MTHFS: variants seen among roughly 807,000 people sequenced by gnomAD.
The protein encoded by MTHFS is methenyltetrahydrofolate synthetase.
A neutral mutation model predicts 12.7 loss-of-function variants in MTHFS; 7 were observed. That is an observed-to-expected ratio of 0.55 (90% CI 0.31 to 1.03). The LOEUF is 1.03. Ranked by LOEUF, MTHFS falls within the 50% of genes least tolerant of loss-of-function variation. MTHFS has a pLI of 0.05. For synonymous variants in MTHFS, 100 were observed against 97.1 expected (o/e 1.03, Z -0.18); for missense variants, 252 against 258.1 (o/e 0.98, Z 0.16).
chr15:79,856,768 T>C (rs929610537), intron 2 of MTHFS, among the ~76,000 whole-genome samples: 1 of 151,860 alleles, frequency 6.6e-6, no homozygotes, highest in Non-Finnish European at 1.5e-5. Flanking sequence ...TGTGTTTCCT[T>C]ACCACAACAA....
intron 2 of MTHFS, among the ~76,000 whole-genome samples, chr15:79,886,814 C>T (rs1287276316): frequency 6.6e-6 from 1 of 152,184 alleles, no homozygotes; most frequent in East Asian, 1.9e-4. Context: ...AAAATATCTG[C>T]TGAAAATTAC....
chr15:79,864,547 C>CAAAAAAA lies in MTHFS; in HGVS notation c.380-19112_380-19106dup, dbSNP rs58698908. 3.4e-3 allele frequency among the ~76,000 whole-genome samples: 222 copies of CAAAAAAA among 64,516 alleles called. 8 individuals are homozygous for CAAAAAAA. Among genetic ancestry groups the CAAAAAAA allele is most frequent in the African/African-American group, 4.1e-3 (55 of 13,358 alleles). 42.3% of individuals were successfully genotyped at this position (64,516 alleles called of 152,430 possible). On this transcript the variant is annotated intron_variant, in intron 2 of 2. Coordinates refer to ENST00000258874, the MANE Select transcript of MTHFS (RefSeq NM_006441.4). ...GCAACAAAGTGAGACTCCATCTCAA[C>CAAAAAAA]AAAAAAAAAAAAAAAAAAAAAAAAA... is the stretch of plus-strand genomic sequence containing the variant.
chr15:79,857,620 T>G (rs2033833667), intron 2 of MTHFS, among the ~76,000 whole-genome samples: 2 of 152,180 alleles, frequency 1.3e-5, no homozygotes, highest in South Asian at 4.1e-4. Context: ...TACATGGATT[T>G]TATATAATGT....
At chr15:79,873,879 A>ATT (rs1398180403) in intron 2 of MTHFS, among the ~76,000 whole-genome samples, 1 of 152,226 alleles carries the variant, frequency 6.6e-6, no homozygotes, top group African/African-American at 2.4e-5. Context: ...CATAATGGGA[A>ATT]TGTAATGTGG....
chr15:79,854,533 A>AACCAAAACCACCTAGCAAAAG (rs1368702354), intron 2 of MTHFS, among the ~76,000 whole-genome samples: 3 of 152,232 alleles, frequency 2.0e-5, no homozygotes, highest in African/African-American at 7.2e-5. Context: ...AGAGGTGGCC[A>AACCAAAACCACCTAGCAAAAG]ACCAAAATCA....
At chr15:79,876,686 A>G (rs1313854961) in intron 2 of MTHFS, 1 of 151,952 alleles carries the variant, frequency 6.6e-6, no homozygotes, top group African/African-American at 2.4e-5. Flanking sequence ...CCAATGACTC[A>G]ACAAATAAAG....
intron 1 of MTHFS, among the ~76,000 whole-genome samples, chr15:79,891,001 C>T (rs2034463759): frequency 6.6e-6 from 1 of 152,174 alleles, no homozygotes; most frequent in Admixed American, 6.5e-5. Flanking sequence ...TGAGACTGTG[C>T]ATGCATATTT....
chr15:79,846,703 G>A (rs2033621504), intron 2 of MTHFS, among the ~76,000 whole-genome samples: 1 of 152,118 alleles, frequency 6.6e-6, no homozygotes, highest in Non-Finnish European at 1.5e-5. Context: ...AAAGGTCCTG[G>A]TCACTGACCT....
intron 2 of MTHFS, among the ~76,000 whole-genome samples, chr15:79,866,050 T>TTC (rs1396935709): frequency 6.6e-6 from 1 of 151,868 alleles, no homozygotes; most frequent in Non-Finnish European, 1.5e-5. Flanking sequence ...TTATAAGTTT[T>TTC]TTTTTTTTTT....
At chr15:79,854,831 T>A (rs1327335324) in intron 2 of MTHFS, among the ~76,000 whole-genome samples, 2 of 152,218 alleles carry the variant, frequency 1.3e-5, no homozygotes, top group Non-Finnish European at 2.9e-5. Flanking sequence ...TGATTTACAT[T>A]ATTTTCTTAA....
In MTHFS at chr15:79,845,279, G is replaced by C; in HGVS notation, c.543C>G (p.Leu181=). The stretch of plus-strand genomic sequence containing the variant: ...TGTCGTTTTCATTCACTGGGACCTG[G>C]AGGCAAATCTGTTCTTTGAAAGCCA... ...LALAFKEQIC[L]QVPVNENDMK... The change falls in exon 3 of 3, where the codon CTC becomes CTG. Residue 181 remains leucine (L), a synonymous_variant. Coordinates refer to ENST00000258874, the MANE Select transcript of MTHFS (RefSeq NM_006441.4). 6.2e-7 allele frequency: 1 copy of C among 1,614,170 alleles called. No homozygotes were observed.
chr15:79,883,221 AGC>A (rs1168280734), intron 2 of MTHFS, among the ~76,000 whole-genome samples: 1 of 152,224 alleles, frequency 6.6e-6, no homozygotes, highest in Non-Finnish European at 1.5e-5. Context: ...AACAAGTTAC[AGC>A]GCCTTATAAA....
At chr15:79,867,341 A>G (rs939315491) in intron 2 of MTHFS, among the ~76,000 whole-genome samples, 1 of 151,314 alleles carries the variant, frequency 6.6e-6, no homozygotes, top group Non-Finnish European at 1.5e-5. Context: ...TAAAATCAAT[A>G]TGCTCTTTCT....
intron 2 of MTHFS, 26 bp downstream of exon 2, chr15:79,889,064 TAAC>T: frequency 6.2e-7 from 1 of 1,609,326 alleles, no homozygotes; most frequent in Non-Finnish European, 8.5e-7. Context: ...GGTCATAATC[TAAC>T]AACATCCTAA....
At chr15:79,863,537 T>C (rs1032170279) in intron 2 of MTHFS, among the ~76,000 whole-genome samples, 1 of 152,110 alleles carries the variant, frequency 6.6e-6, no homozygotes, top group African/African-American at 2.4e-5. Flanking sequence ...TGGACATCAT[T>C]CTCTCTTTCT....
At chr15:79,845,552 C>A in intron 2 of MTHFS, 110 bp from the exon 3 acceptor site, 1 of 1,389,784 alleles carries the variant, frequency 7.2e-7, no homozygotes, top group Non-Finnish European at 9.6e-7. Flanking sequence ...TTTCTAAAAA[C>A]AATGTGTGAC....
intron 2 of MTHFS, among the ~76,000 whole-genome samples, chr15:79,853,905 C>A (rs1481582503): frequency 6.6e-6 from 1 of 152,204 alleles, no homozygotes; most frequent in African/African-American, 2.4e-5. Context: ...TTTATAATTT[C>A]TTTCAGCACA....
chr15:79,857,027 C>T (rs1257760222), intron 2 of MTHFS, among the ~76,000 whole-genome samples: 8 of 144,686 alleles, frequency 5.5e-5, no homozygotes, highest in African/African-American at 2.0e-4. Context: ...CAGAGTTTCG[C>T]TCTTGTTGCC....
In MTHFS at chr15:79,845,388, C is replaced by A; in HGVS notation, c.434G>T (p.Arg145Leu). 2 of 1,614,132 alleles carry A rather than the reference C, an allele frequency of 1.2e-6. No individual in the cohort carries two copies. The highest frequency in any genetic ancestry group is 1.7e-6 in the Non-Finnish European group (2 of 1,180,032). Reference sequence around the variant, plus strand: ...ATAGTAGCCCTTGCCCCTCCCCAGTCGGTTGCCATGTTTGTCAAACCCAAG... The same window carrying A: ...ATAGTAGCCCTTGCCCCTCCCCAGTAGGTTGCCATGTTTGTCAAACCCAAG... ...PGLGFDKHGN[R>L]LGRGKGYYDA... The change falls in exon 3 of 3, where the codon CGA becomes CTA. Residue 145 changes from arginine (R) to leucine (L), a missense_variant. Coordinates refer to ENST00000258874, the MANE Select transcript of MTHFS (RefSeq NM_006441.4).
Sources: gnomAD v4.1 joint callset for allele counts (sites outside exome capture counted in the v4.1 genomes callset) on GRCh38, gnomAD v4.1.1 for gene constraint, MANE v1.5 for transcripts, NCBI Gene and HGNC (gene_info 2026-07-23, HGNC 2026-07-21) for gene names.